MTX2: variants seen among roughly 807,000 people sequenced by gnomAD.
The protein encoded by MTX2 is metaxin-2.
A neutral mutation model predicts 42.3 loss-of-function variants in MTX2; 35 were observed. The observed-to-expected ratio is 0.83, with a 90% CI of 0.63 to 1.10. MTX2 has a LOEUF of 1.10. MTX2 is among the 50% of genes least tolerant of loss of function. The pLI is 0.00. For synonymous variants in MTX2, 119 were observed against 100.9 expected (o/e 1.18, Z -1.08); for missense variants, 307 against 304.1 (o/e 1.01, Z -0.07).
At position 176,282,133 on chromosome 2, in the gene MTX2, T is replaced by TTGTTTTTTTTG. The variant is rs1160909005; in HGVS notation, c.40+12465_40+12466insGTTTTTTTTGT. 1.8e-3 allele frequency among the ~76,000 whole-genome samples: 244 copies of TTGTTTTTTTTG among 134,942 alleles called. 12 individuals carry two copies. Among genetic ancestry groups the TTGTTTTTTTTG allele is most frequent in the African/African-American group, 5.9e-3 (212 of 35,676 alleles). 88.5% of individuals were successfully genotyped at this position (134,942 alleles called of 152,430 possible). ...ATTTTTAGAGTTACAGTAGTTTTTTTTTTTTTTTTTTTTTTTTTTTTGCTG... is the reference window on the plus strand; with the variant it reads ...ATTTTTAGAGTTACAGTAGTTTTTTTTGTTTTTTTTGTTTTTTTTTTTTTTTTTTTTTGCTG... On this transcript the variant is annotated intron_variant, in intron 1 of 9. Transcript: ENST00000249442.
Position 176,298,567 on chromosome 2 carries a change from A to G in MTX2, c.135+672A>G, listed in dbSNP as rs76271089. 8.4e-3 allele frequency among the ~76,000 whole-genome samples: 1,277 copies of G among 152,232 alleles called. 23 individuals are homozygous for G. Among genetic ancestry groups the G allele is most frequent in the African/African-American group, 0.029 (1,207 of 41,564 alleles). ...AAAAACAATGTTTATGATGTAGGTT[A>G]TGGAATTATAGTTATCCAAACATTT... On this transcript the variant is annotated intron_variant, in intron 3 of 9. Coordinates refer to ENST00000249442, the MANE Select transcript of MTX2 (RefSeq NM_006554.5).
At chr2:176,276,673 G>A (rs1048361376) in intron 1 of MTX2, among the ~76,000 whole-genome samples, 1 of 152,024 alleles carries the variant, frequency 6.6e-6, no homozygotes, top group African/African-American at 2.4e-5. Flanking sequence ...TATTGCCCAA[G>A]AGCCTTTCAC....
chr2:176,336,249 A>G (rs1481791529), intron 9 of MTX2, among the ~76,000 whole-genome samples: 2 of 152,112 alleles, frequency 1.3e-5, no homozygotes, highest in South Asian at 2.1e-4. Flanking sequence ...TGCCCCATTT[A>G]TAGATCATTA....
At chr2:176,333,409 T>A (rs967319807) in intron 9 of MTX2, among the ~76,000 whole-genome samples, 2 of 151,704 alleles carry the variant, frequency 1.3e-5, no homozygotes, top group Admixed American at 6.6e-5. Context: ...TTTATTGATG[T>A]GTAATTTACA....
chr2:176,291,331 G>T (rs1693323333), intron 1 of MTX2, among the ~76,000 whole-genome samples: 1 of 152,134 alleles, frequency 6.6e-6, no homozygotes, highest in South Asian at 2.1e-4. Flanking sequence ...GAATAGTACA[G>T]AGTAATAACA....
chr2:176,314,310 G>T (rs147343638), intron 3 of MTX2, among the ~76,000 whole-genome samples: 1 of 151,840 alleles, frequency 6.6e-6, no homozygotes, highest in African/African-American at 2.4e-5. Context: ...AGTAGTACAC[G>T]CCTGTAGTCC....
chr2:176,300,585 A>G (rs1340724144), intron 3 of MTX2, among the ~76,000 whole-genome samples: 1 of 152,124 alleles, frequency 6.6e-6, no homozygotes, highest in Non-Finnish European at 1.5e-5. Context: ...TTAGAATACA[A>G]TATGAGCAAA....
intron 1 of MTX2, among the ~76,000 whole-genome samples, chr2:176,295,729 TC>T (rs1367944234): frequency 2.6e-5 from 4 of 152,146 alleles, no homozygotes; most frequent in Non-Finnish European, 5.9e-5. Flanking sequence ...ATTAAGGAGT[TC>T]CTTTTTCCTA....
chr2:176,325,334 G>A (rs1360677136), intron 4 of MTX2, among the ~76,000 whole-genome samples: 1 of 151,626 alleles, frequency 6.6e-6, no homozygotes, highest in Non-Finnish European at 1.5e-5. Flanking sequence ...CCTGATACCT[G>A]CAATAATAAG....
intron 8 of MTX2, 57 bp downstream of exon 8, chr2:176,329,483 T>C: frequency 6.7e-7 from 1 of 1,498,364 alleles, no homozygotes; most frequent in Non-Finnish European, 9.0e-7. Flanking sequence ...AAAGAATCAT[T>C]CTTTATATTG....
At chr2:176,299,270 C>G (rs900592053) in intron 3 of MTX2, among the ~76,000 whole-genome samples, 9 of 151,986 alleles carry the variant, frequency 5.9e-5, no homozygotes, top group Non-Finnish European at 7.4e-5. Context: ...TATCCAGCCC[C>G]AAATGTAAAT....
intron 3 of MTX2, among the ~76,000 whole-genome samples, chr2:176,308,626 G>C: frequency 6.6e-6 from 1 of 152,138 alleles, no homozygotes; most frequent in African/African-American, 2.4e-5. Flanking sequence ...TTGGGAGGGT[G>C]TATGTGTCCA....
chr2:176,316,718 TG>T (rs1360505909), intron 3 of MTX2, among the ~76,000 whole-genome samples: 1 of 152,190 alleles, frequency 6.6e-6, no homozygotes, highest in Non-Finnish European at 1.5e-5. Flanking sequence ...TATTCTTTTT[TG>T]AAGGCTATAA....
Position 176,287,457 on chromosome 2 carries a change from T to C in MTX2, c.41-9403T>C, listed in dbSNP as rs1050139039. Among the ~76,000 whole-genome samples, 5 of 152,204 alleles carry C rather than the reference T, an allele frequency of 3.3e-5. 1 individual carries two copies. In the Middle Eastern group the frequency reaches 9.5e-3, roughly 289 times the overall value. On this transcript the variant is annotated intron_variant, in intron 1 of 9. Transcript: ENST00000249442. The stretch of plus-strand genomic sequence containing the variant: ...AAAGGAAATGCTCATTGAAGTGTTT[T>C]GGATGTTTGATTTTTGGGTTAGGGT...
chr2:176,329,400 G>C lies in MTX2; in HGVS notation c.517G>C (p.Gly173Arg). The change falls in exon 8 of 10, where the codon GGA becomes CGA. Residue 173 changes from glycine (G) to arginine (R), a missense_variant. Transcript: ENST00000249442. ...AGTCAAACGTAAGATGAAAGCTATT[G>C]GATGGGGAAAGAAGACTCTGGACCA... ...WEVKRKMKAI[G>R]WGKKTLDQVL... The C allele has an allele frequency of 6.2e-7, 1 of 1,606,934 alleles. No individual in the cohort carries two copies. Among genetic ancestry groups the C allele is most frequent in the Non-Finnish European group, 8.5e-7 (1 of 1,175,208 alleles).
chr2:176,292,761 T>G (rs529769829), intron 1 of MTX2, among the ~76,000 whole-genome samples: 2 of 152,352 alleles, frequency 1.3e-5, no homozygotes, highest in East Asian at 3.9e-4. Flanking sequence ...GGTTTACATG[T>G]AATTTACATA....
Position 176,279,116 on chromosome 2 carries a change from G to GT in MTX2, c.40+9454dup, listed in dbSNP as rs200032230. On this transcript the variant is annotated intron_variant, in intron 1 of 9. Transcript: ENST00000249442. ...TCACTGTTTTTATACACTTAGCTAT[G>GT]TTTTTTTGCTGATCATATATTTTAT... 8.7e-3 allele frequency among the ~76,000 whole-genome samples: 1,321 copies of GT among 152,140 alleles called. 12 individuals carry two copies. The highest frequency in any genetic ancestry group is 0.024 in the Middle Eastern group (7 of 294).
At chr2:176,332,254 A>C (rs1684880465) in intron 9 of MTX2, among the ~76,000 whole-genome samples, 2 of 151,420 alleles carry the variant, frequency 1.3e-5, no homozygotes, top group South Asian at 4.1e-4. Flanking sequence ...ACTAAAATGC[A>C]AATAAAGTAC....
At chr2:176,315,217 G>C (rs2105432175) in intron 3 of MTX2, among the ~76,000 whole-genome samples, 1 of 152,254 alleles carries the variant, frequency 6.6e-6, no homozygotes, top group African/African-American at 2.4e-5. Flanking sequence ...GATAATTAGA[G>C]ACAACAATCT....
Sources: allele counts gnomAD v4.1 joint callset (sites outside exome capture counted in the v4.1 genomes callset), GRCh38; gene constraint gnomAD v4.1.1; transcripts MANE v1.5; gene names NCBI Gene and HGNC (gene_info 2026-07-23, HGNC 2026-07-21).